The following RARS2 variants were observed in gnomAD, a reference collection of about 807,000 sequenced individuals.
RARS2 encodes probable arginine--tRNA ligase, mitochondrial.
RARS2 carries 67 observed loss-of-function variants against 88.5 expected under a neutral mutation model. That is an observed-to-expected ratio of 0.76 (90% confidence interval 0.62 to 0.93). The LOEUF is 0.93. Among genes scored for constraint, RARS2 ranks in the 40% least tolerant of loss-of-function variants. RARS2 has a pLI of 0.00. For synonymous variants in RARS2, 239 were observed against 230.3 expected (o/e 1.04, Z -0.34); for missense variants, 664 against 684.2 (o/e 0.97, Z 0.33).
intron 2 of RARS2, among the ~76,000 whole-genome samples, chr6:87,567,804 C>T (rs933093401): frequency 6.6e-6 from 1 of 152,214 alleles, no homozygotes; most frequent in African/African-American, 2.4e-5. Context: ...CGGAGTCTCG[C>T]TCTGTCACCC....
At chr6:87,517,469 A>C (rs1475334168) in intron 17 of RARS2, among the ~76,000 whole-genome samples, 1 of 152,238 alleles carries the variant, frequency 6.6e-6, no homozygotes, top group African/African-American at 2.4e-5. Context: ...ATGTTTAAGA[A>C]TATAAAATAT....
At chr6:87,559,556 T>C (rs1055631695) in intron 4 of RARS2, among the ~76,000 whole-genome samples, 3 of 151,606 alleles carry the variant, frequency 2.0e-5, no homozygotes, top group Non-Finnish European at 4.4e-5. Context: ...AGCAGTGTTA[T>C]CCTAGTTCAT....
chr6:87,518,245 A>G lies in RARS2; in HGVS notation c.1435T>C (p.Cys479Arg). The change falls in exon 17 of 20, where the codon TGT becomes CGT. Residue 479 changes from cysteine to arginine, a missense_variant. Coordinates refer to ENST00000369536, the MANE Select transcript of RARS2 (RefSeq NM_020320.5). ...RLHSLEETFG[C>R]GYLNDFNTAC... The stretch of plus-strand genomic sequence containing the variant: ...GTGTTGAAGTCATTCAGGTACCCAC[A>G]TCCAAAAGTCTCTTCCAAACTTATC... 1 of 1,614,194 alleles carries G rather than the reference A, an allele frequency of 6.2e-7. No individual in the cohort carries two copies. The highest frequency in any genetic ancestry group is 8.5e-7 in the Non-Finnish European group (1 of 1,180,022).
intron 8 of RARS2, among the ~76,000 whole-genome samples, chr6:87,540,662 T>A (rs1780642031): frequency 6.6e-6 from 1 of 152,094 alleles, no homozygotes; most frequent in African/African-American, 2.4e-5. Flanking sequence ...TATGGCTGAC[T>A]TCGTATCCGC....
intron 10 of RARS2, among the ~76,000 whole-genome samples, chr6:87,526,104 T>C (rs1775603106): frequency 6.6e-6 from 1 of 152,174 alleles, no homozygotes; most frequent in Non-Finnish European, 1.5e-5. Context: ...ATCTACAGAT[T>C]CAATGCAATC....
intron 1 of RARS2, among the ~76,000 whole-genome samples, chr6:87,577,992 A>C (rs1772108682): frequency 6.6e-6 from 1 of 152,156 alleles, no homozygotes; most frequent in Non-Finnish European, 1.5e-5. Flanking sequence ...TATTTAAAAC[A>C]GCATTTCAGG....
chr6:87,533,913 C>T (rs1284109613), intron 8 of RARS2, among the ~76,000 whole-genome samples: 1 of 152,178 alleles, frequency 6.6e-6, no homozygotes, highest in African/African-American at 2.4e-5. Context: ...AACCCCACTT[C>T]TAGCCATGCT....
Position 87,589,978 on chromosome 6 carries a change from G to A in RARS2, c.-21C>T. The stretch of plus-strand genomic sequence containing the variant: ...GCCATGTCCACCTCTACGGAAGTGC[G>A]CCGCAGTCCGCCAGTTCCGGCCTCG... On this transcript the variant is annotated 5_prime_UTR_variant, in exon 1 of 20. Transcript: ENST00000369536. 1.9e-6 allele frequency: 3 copies of A among 1,614,190 alleles called. No homozygotes were observed. The highest frequency in any genetic ancestry group is 2.2e-5 in the East Asian group (1 of 44,874).
rs532796520 is a variant in RARS2 at position 87,556,771 on chromosome 6, G to A, written c.298-1266C>T. On this transcript the variant is annotated intron_variant, in intron 4 of 19. Coordinates refer to ENST00000369536, the MANE Select transcript of RARS2 (RefSeq NM_020320.5). ...CGCGCCACTGCACTCCAGCCTGGGC[G>A]CAGAGTGAGACTCTGTCTCAAAAAA... Among the ~76,000 whole-genome samples, 887 of 132,504 alleles carry A rather than the reference G, an allele frequency of 6.7e-3. 4 individuals are homozygous for A. The highest frequency in any genetic ancestry group is 9.4e-3 in the Non-Finnish European group (610 of 64,744). 86.9% of individuals were successfully genotyped at this position (132,504 alleles called of 152,430 possible). A position where few individuals can be genotyped will look rare whatever the true frequency, so the allele number is the denominator to read the frequency against.
chr6:87,521,136 C>T (rs949605225), intron 12 of RARS2, among the ~76,000 whole-genome samples: 2 of 152,096 alleles, frequency 1.3e-5, no homozygotes, highest in African/African-American at 2.4e-5. Flanking sequence ...TATTAAATTA[C>T]TTCAAAATAA....
rs1562096952 is a variant in RARS2 at position 87,529,553 on chromosome 6, TAGG to T, written c.864_866del (p.Leu290del). The T allele has an allele frequency of 3.8e-6, 6 of 1,568,958 alleles. No individual in the cohort carries two copies. Among genetic ancestry groups the T allele is most frequent in the Admixed American group, 3.3e-5 (2 of 59,962 alleles). ...TAACCTGATCATACATTGTTTTCAG[TAGG>T]AGTCCTTTACTCTCCAGCAACTTTA... On this transcript the variant is annotated inframe_deletion, in exon 10 of 20. Coordinates refer to ENST00000369536, the MANE Select transcript of RARS2 (RefSeq NM_020320.5).
intron 1 of RARS2, among the ~76,000 whole-genome samples, chr6:87,570,723 T>C (rs1393201617): frequency 1.3e-5 from 2 of 152,138 alleles, no homozygotes; most frequent in Non-Finnish European, 2.9e-5. Context: ...CCCAGCCAGA[T>C]TTTTTATTTC....
chr6:87,517,542 C>G (rs546578766), intron 17 of RARS2, among the ~76,000 whole-genome samples: 19 of 152,148 alleles, frequency 1.2e-4, no homozygotes, highest in Non-Finnish European at 2.2e-4. Flanking sequence ...CCGTACATTC[C>G]CTATTGTACA....
chr6:87,539,652 A>G (rs779262172), intron 8 of RARS2, among the ~76,000 whole-genome samples: 5 of 152,208 alleles, frequency 3.3e-5, no homozygotes, highest in South Asian at 2.1e-4. Context: ...GTTCCAGCCA[A>G]TGGAAACCAG....
chr6:87,580,686 G>A (rs1773221811), intron 1 of RARS2, among the ~76,000 whole-genome samples: 4 of 151,716 alleles, frequency 2.6e-5, no homozygotes, highest in Admixed American at 2.6e-4. Flanking sequence ...GTCTTGAACT[G>A]GACTCAAGCA....
chr6:87,548,199 C>T (rs894347928), intron 6 of RARS2, among the ~76,000 whole-genome samples: 8 of 151,942 alleles, frequency 5.3e-5, no homozygotes, highest in East Asian at 1.9e-4. Context: ...GCCAAGATTG[C>T]GCCACTGCAC....
At chr6:87,548,953 C>G (rs998277096) in intron 5 of RARS2, among the ~76,000 whole-genome samples, 2 of 152,142 alleles carry the variant, frequency 1.3e-5, no homozygotes, top group African/African-American at 4.8e-5. Flanking sequence ...ATGGCTCATG[C>G]CTGTAATCTC....
intron 10 of RARS2, among the ~76,000 whole-genome samples, chr6:87,525,695 C>T (rs923842248): frequency 2.6e-5 from 4 of 151,942 alleles, no homozygotes; most frequent in African/African-American, 4.8e-5. Flanking sequence ...ATTAGGCGCG[C>T]GCCACCACGT....
intron 10 of RARS2, among the ~76,000 whole-genome samples, chr6:87,528,352 G>A (rs1218113208): frequency 6.6e-6 from 1 of 151,988 alleles, no homozygotes; most frequent in Non-Finnish European, 1.5e-5. Flanking sequence ...CAATGTGGAG[G>A]TTCCTCAAAA....
Sources: gnomAD v4.1 joint callset for allele counts (sites outside exome capture counted in the v4.1 genomes callset) on GRCh38, gnomAD v4.1.1 for gene constraint, MANE v1.5 for transcripts, NCBI Gene and HGNC (gene_info 2026-07-23, HGNC 2026-07-21) for gene names.